MAF: variants seen among roughly 807,000 people sequenced by gnomAD.
MAF encodes MAF bZIP transcription factor.
A neutral mutation model predicts 22.0 loss-of-function variants in MAF; 10 were observed. That is an observed-to-expected ratio of 0.45 (90% CI 0.28 to 0.77). The LOEUF (loss-of-function observed/expected upper bound fraction) is 0.77, where lower values mean the gene tolerates loss of function less well. Among genes scored for constraint, MAF ranks in the 30% least tolerant of loss-of-function variants. MAF has a pLI of 0.12. For synonymous variants in MAF, 337 were observed against 255.8 expected (o/e 1.32, Z -3.03); for missense variants, 544 against 548.4 (o/e 0.99, Z 0.08).
chr16:79,212,172 A>G, the MAF span: 2 of 1,481,044 alleles, frequency 1.4e-6, no homozygotes, highest in Non-Finnish European at 1.8e-6. Context: ...CACGGCCACC[A>G]CTGCAGCCGG....
chr16:79,400,704 C>G, the MAF span, among the ~76,000 whole-genome samples: 1 of 152,258 alleles, frequency 6.6e-6, no homozygotes, highest in African/African-American at 2.4e-5. Flanking sequence ...GACATTATCT[C>G]TGCCTGCAAG....
At chr16:79,329,141 G>A in the MAF span, among the ~76,000 whole-genome samples, 72 of 151,814 alleles carry the variant, frequency 4.7e-4, no homozygotes, top group African/African-American at 1.6e-3. Flanking sequence ...CCTGGAGAAC[G>A]GGACCAGGCA....
At chr16:79,433,973 C>G in the MAF span, among the ~76,000 whole-genome samples, 2 of 152,300 alleles carry the variant, frequency 1.3e-5, no homozygotes, top group African/African-American at 4.8e-5. Context: ...TTCTACCAGG[C>G]CCCACCACAT....
At chr16:79,356,235 G>C in the MAF span, among the ~76,000 whole-genome samples, 1 of 151,966 alleles carries the variant, frequency 6.6e-6, no homozygotes, top group Non-Finnish European at 1.5e-5. Context: ...ACACATTCAT[G>C]CACATGCTAT....
the MAF span, among the ~76,000 whole-genome samples, chr16:79,482,855 C>CCTCCCCCCCTCCCTCTCCTCCT: frequency 8.8e-6 from 1 of 113,730 alleles, no homozygotes; most frequent in Non-Finnish European, 1.8e-5. Flanking sequence ...CCTCCCCTCC[C>CCTCCCCCCCTCCCTCTCCTCCT]CTCCCTCCCT....
chr16:79,224,581 C>T, the MAF span, among the ~76,000 whole-genome samples: 1 of 152,174 alleles, frequency 6.6e-6, no homozygotes, highest in African/African-American at 2.4e-5. Flanking sequence ...TCTCTGTTTA[C>T]AGATGACATG....
chr16:79,413,140 T>G, the MAF span, among the ~76,000 whole-genome samples: 4 of 150,916 alleles, frequency 2.7e-5, no homozygotes, highest in Non-Finnish European at 5.9e-5. Context: ...CATAAAACAG[T>G]TGTTACAAGC....
At chr16:79,250,536 A>C in the MAF span, among the ~76,000 whole-genome samples, 39 of 152,116 alleles carry the variant, frequency 2.6e-4, no homozygotes, top group African/African-American at 9.4e-4. Context: ...ATATGGAGGG[A>C]CTACATTTCT....
At chr16:79,583,110 C>G (rs9924632), downstream of MAF, among the ~76,000 whole-genome samples, 2,478 of 152,278 alleles carry the variant, frequency 0.016, 72 homozygotes, top group African/African-American at 0.056. Flanking sequence ...CTAAGACACC[C>G]ACACCAACAC....
At chr16:79,294,585 A>G in the MAF span, among the ~76,000 whole-genome samples, 1 of 152,246 alleles carries the variant, frequency 6.6e-6, no homozygotes, top group Non-Finnish European at 1.5e-5. Flanking sequence ...TAGGTATACT[A>G]TTATCAGGAA....
chr16:79,458,284 T>C, the MAF span, among the ~76,000 whole-genome samples: 1 of 152,086 alleles, frequency 6.6e-6, no homozygotes, highest in African/African-American at 2.4e-5. Flanking sequence ...TCGTGTCTCA[T>C]CAGTCCTGAG....
At chr16:79,218,508 G>C in the MAF span, among the ~76,000 whole-genome samples, 25 of 152,292 alleles carry the variant, frequency 1.6e-4, no homozygotes, top group East Asian at 4.1e-3. Flanking sequence ...CTTTGCCACA[G>C]AGAGCCACAA....
At chr16:79,289,163 T>C in the MAF span, among the ~76,000 whole-genome samples, 1 of 152,132 alleles carries the variant, frequency 6.6e-6, no homozygotes, top group South Asian at 2.1e-4. Context: ...TTCTCAAGAT[T>C]GTGGAGAAAC....
the MAF span, among the ~76,000 whole-genome samples, chr16:79,419,472 T>C: frequency 1.3e-5 from 2 of 152,224 alleles, no homozygotes; most frequent in Non-Finnish European, 2.9e-5. Context: ...CCTTACAGTT[T>C]CCATGCCGAT....
At chr16:79,403,119 C>T in the MAF span, among the ~76,000 whole-genome samples, 1 of 152,216 alleles carries the variant, frequency 6.6e-6, no homozygotes, top group Admixed American at 6.5e-5. Context: ...ATGGGAATAA[C>T]TGCAGTAAAT....
chr16:79,595,201 T>G, intron 1 of MAF: 2 of 1,042,602 alleles, frequency 1.9e-6, no homozygotes, highest in South Asian at 9.2e-5. Flanking sequence ...GGTTTACTAT[T>G]AAGACTTTTG....
the MAF span, among the ~76,000 whole-genome samples, chr16:79,373,359 C>CTTTTTTTTTTTTTTT: frequency 3.0e-4 from 10 of 33,326 alleles, 3 homozygotes; most frequent in Non-Finnish European, 4.3e-4. Flanking sequence ...GGACTGGTAG[C>CTTTTTTTTTTTTTTT]TTTTTTTTTT....
chr16:79,344,989 G>A, the MAF span, among the ~76,000 whole-genome samples: 3 of 152,258 alleles, frequency 2.0e-5, no homozygotes, highest in African/African-American at 7.2e-5. Context: ...TGACCTCAGG[G>A]CAAGTTACTT....
the MAF span, among the ~76,000 whole-genome samples, chr16:79,392,622 G>A: frequency 1.3e-5 from 2 of 152,096 alleles, no homozygotes; most frequent in South Asian, 2.1e-4. Context: ...CCAAAACAAT[G>A]CCTAGGATGT....
Sources: gnomAD v4.1 joint callset for allele counts (sites outside exome capture counted in the v4.1 genomes callset) on GRCh38, gnomAD v4.1.1 for gene constraint, MANE v1.5 for transcripts, NCBI Gene and HGNC (gene_info 2026-07-23, HGNC 2026-07-21) for gene names.